Variants in ATRNL1 observed in about 807,000 individuals in gnomAD.
The protein encoded by ATRNL1 is attractin like 1.
A neutral mutation model predicts 182.7 loss-of-function variants in ATRNL1; 95 were observed. The ratio of observed to expected loss-of-function variants is 0.52; its 90% CI spans 0.44 to 0.62. The LOEUF (loss-of-function observed/expected upper bound fraction) is 0.62. Among genes scored for constraint, ATRNL1 ranks in the 20% least tolerant of loss-of-function variants. The pLI, the probability that ATRNL1 is intolerant of heterozygous loss-of-function variation, is 0.00. For missense variants in ATRNL1, 1,471 were observed against 1,679.5 expected (o/e 0.88, Z 2.17); for synonymous variants, 576 against 568.3 (o/e 1.01, Z -0.19).
chr10:115,905,821 C>T (rs1166523697), intron 28 of ATRNL1, among the ~76,000 whole-genome samples: 1 of 152,132 alleles, frequency 6.6e-6, no homozygotes, highest in Non-Finnish European at 1.5e-5. Flanking sequence ...GCATCCAGCC[C>T]CATGCCTAAC....
At chr10:115,241,550 T>G (rs1165923751) in intron 9 of ATRNL1, 21 bp from the exon 10 acceptor site, 2 of 1,554,512 alleles carry the variant, frequency 1.3e-6, no homozygotes, top group Admixed American at 3.4e-5. Context: ...TTGTAATACA[T>G]TTTTAAATTT....
intron 19 of ATRNL1, among the ~76,000 whole-genome samples, chr10:115,361,954 T>A (rs1423637788): frequency 1.3e-5 from 2 of 151,956 alleles, no homozygotes; most frequent in Non-Finnish European, 1.5e-5. Flanking sequence ...TTACCTTTTT[T>A]ATCGAAGAAA....
intron 27 of ATRNL1, among the ~76,000 whole-genome samples, chr10:115,771,534 T>A (rs1472823780): frequency 6.6e-6 from 1 of 152,196 alleles, no homozygotes; most frequent in African/African-American, 2.4e-5. Context: ...CCGGCCAGAA[T>A]TCTTACTTCT....
intron 28 of ATRNL1, among the ~76,000 whole-genome samples, chr10:115,944,250 G>GTTTTTTTTTTTTTTTTTTTTTT (rs1953815345): frequency 7.4e-6 from 1 of 135,808 alleles, no homozygotes; most frequent in Non-Finnish European, 1.6e-5. Flanking sequence ...TGCTTGAAAT[G>GTTTTTTTTTTTTTTTTTTTTTT]TTTTTAAAAA....
At chr10:115,760,108 T>C (rs1382903432) in intron 27 of ATRNL1, among the ~76,000 whole-genome samples, 5 of 151,784 alleles carry the variant, frequency 3.3e-5, no homozygotes, top group Admixed American at 1.3e-4. Context: ...TATTTTTCCA[T>C]GTGGCTCATT....
chr10:115,181,871 C>G (rs782111361), intron 8 of ATRNL1, among the ~76,000 whole-genome samples: 41 of 151,508 alleles, frequency 2.7e-4, no homozygotes, highest in Non-Finnish European at 5.2e-4. Flanking sequence ...ATTTTCTGCC[C>G]ATACTAGTAA....
At chr10:115,578,774 G>T (rs574863522) in intron 26 of ATRNL1, among the ~76,000 whole-genome samples, 1 of 151,342 alleles carries the variant, frequency 6.6e-6, no homozygotes, top group African/African-American at 2.4e-5. Flanking sequence ...GCTAATTTTT[G>T]ATTCAGTTTG....
chr10:115,306,895 A>G (rs1853762456), intron 17 of ATRNL1, among the ~76,000 whole-genome samples: 1 of 152,194 alleles, frequency 6.6e-6, no homozygotes, highest in African/African-American at 2.4e-5. Flanking sequence ...GGTTAATGAA[A>G]CATAATTCAC....
chr10:115,394,587 T>C (rs1165574142), intron 19 of ATRNL1, 72 bp from the exon 20 acceptor site: 21 of 1,171,110 alleles, frequency 1.8e-5, no homozygotes, highest in Non-Finnish European at 2.2e-5. Context: ...AAGGTAATAA[T>C]AATACTTGAA....
chr10:115,149,960 C>T (rs11528271), intron 5 of ATRNL1, among the ~76,000 whole-genome samples: 1,537 of 151,446 alleles, frequency 0.01, 22 homozygotes, highest in East Asian at 0.069. Flanking sequence ...GCCGTGAAGC[C>T]GTCCTGTCCT....
chr10:115,549,968 T>G lies in ATRNL1; in HGVS notation c.3795+432T>G, dbSNP rs1215061369. Reference sequence around the variant, plus strand: ...GAAATTTATTATAACATTCTTTTTTTGGGAATCAAATCTTTTCCATTTTCT... The same window carrying G: ...GAAATTTATTATAACATTCTTTTTTGGGGAATCAAATCTTTTCCATTTTCT... On this transcript the variant is annotated intron_variant, in intron 26 of 28. Transcript: ENST00000355044. Among the ~76,000 whole-genome samples, 14 of 152,008 alleles carry G rather than the reference T, an allele frequency of 9.2e-5. No individual in the cohort carries two copies. In the East Asian group the frequency reaches 2.3e-3, roughly 25 times the overall value.
chr10:115,223,913 G>GTGTGTGTGTATA (rs71476115), intron 9 of ATRNL1, among the ~76,000 whole-genome samples: 7 of 55,942 alleles, frequency 1.3e-4, no homozygotes, highest in African/African-American at 5.0e-4. Context: ...GTGTGTGTGT[G>GTGTGTGTGTATA]TATATATATA....
chr10:115,162,041 G>A (rs1554883423), intron 6 of ATRNL1, among the ~76,000 whole-genome samples: 2 of 151,934 alleles, frequency 1.3e-5, no homozygotes, highest in Non-Finnish European at 2.9e-5. Context: ...GTATTCATGA[G>A]GATAGCAAAC....
At chr10:115,283,243 G>A (rs1183644455) in intron 14 of ATRNL1, among the ~76,000 whole-genome samples, 3 of 151,922 alleles carry the variant, frequency 2.0e-5, no homozygotes, top group East Asian at 1.9e-4. Flanking sequence ...GTGAAACCCC[G>A]TCTCTACTAA....
At chr10:115,918,484 G>A (rs1952946888) in intron 28 of ATRNL1, among the ~76,000 whole-genome samples, 1 of 152,132 alleles carries the variant, frequency 6.6e-6, no homozygotes, top group Non-Finnish European at 1.5e-5. Flanking sequence ...GGAATATAAG[G>A]TTAAGAAATT....
intron 1 of ATRNL1, among the ~76,000 whole-genome samples, chr10:115,111,547 G>A (rs1365862508): frequency 6.6e-6 from 1 of 152,070 alleles, no homozygotes; most frequent in African/African-American, 2.4e-5. Flanking sequence ...GGAAGCAAGG[G>A]GTGGGAGCGG....
chr10:115,735,337 G>A (rs1555065125), intron 27 of ATRNL1, among the ~76,000 whole-genome samples: 1 of 151,942 alleles, frequency 6.6e-6, no homozygotes, highest in Non-Finnish European at 1.5e-5. Flanking sequence ...TCTTTCAGTG[G>A]GAGGGTCACA....
intron 26 of ATRNL1, among the ~76,000 whole-genome samples, chr10:115,627,257 A>G (rs76672493): frequency 0.02 from 2,971 of 152,260 alleles, 68 homozygotes; most frequent in East Asian, 0.12. Context: ...GTATTTACCT[A>G]TTCTGAGTAT....
chr10:115,565,406 T>TTG (rs1384178813), intron 26 of ATRNL1, among the ~76,000 whole-genome samples: 3 of 151,754 alleles, frequency 2.0e-5, no homozygotes, highest in East Asian at 1.9e-4. Flanking sequence ...GTGTGTGAGT[T>TTG]TGTGTGTGTG....
Sources: gnomAD v4.1 joint callset for allele counts (sites outside exome capture counted in the v4.1 genomes callset) on GRCh38, gnomAD v4.1.1 for gene constraint, MANE v1.5 for transcripts, NCBI Gene and HGNC (gene_info 2026-07-23, HGNC 2026-07-21) for gene names.